Variants in CRYBA4 observed in about 807,000 individuals in gnomAD.
The protein encoded by CRYBA4 is crystallin beta A4.
A neutral mutation model predicts 31.7 loss-of-function variants in CRYBA4; 30 were observed. The observed-to-expected ratio is 0.95, with a 90% CI of 0.71 to 1.28. The LOEUF is 1.28. Ranked by LOEUF, CRYBA4 falls within the 50% of genes most tolerant of loss-of-function variation. The probability of loss-of-function intolerance (pLI) is 0.00; values close to 1 mark genes in which losing one functional copy is unlikely to be tolerated. For synonymous variants in CRYBA4, 102 were observed against 102.3 expected (o/e 1.00, Z 0.02); for missense variants, 225 against 260.7 (o/e 0.86, Z 0.94).
the CRYBA4 span, among the ~76,000 whole-genome samples, chr22:26,612,682 C>T: frequency 7.9e-5 from 12 of 152,306 alleles, no homozygotes; most frequent in African/African-American, 2.6e-4. Flanking sequence ...CTAAGATCTG[C>T]GCCATCATTA....
upstream of CRYBA4, among the ~76,000 whole-genome samples, chr22:26,621,323 C>T (rs1929522952): frequency 1.3e-5 from 2 of 152,216 alleles, no homozygotes; most frequent in Non-Finnish European, 2.9e-5. Context: ...CCCCTGAGCT[C>T]CAGGCCAATT....
the CRYBA4 span, among the ~76,000 whole-genome samples, chr22:26,603,416 G>C: frequency 7.4e-4 from 112 of 152,050 alleles, no homozygotes; most frequent in African/African-American, 2.6e-3. Context: ...TGTAATCCCA[G>C]CTACTCGGGA....
At chr22:26,607,955 A>G in the CRYBA4 span, 1 of 1,614,236 alleles carries the variant, frequency 6.2e-7, no homozygotes, top group Admixed American at 1.7e-5. Context: ...TGTTCCAGCG[A>G]GGGTACTCGC....
intron 5 of CRYBA4, among the ~76,000 whole-genome samples, chr22:26,629,088 CATCAGCAGGTAGGTAACA>C (rs1270119137): frequency 1.3e-5 from 2 of 152,194 alleles, no homozygotes; most frequent in Admixed American, 1.3e-4. Flanking sequence ...GCTCAAAGTC[CATCAGCAGGTAGGTAACA>C]ATCCAGCTTC....
At position 26,628,428 on chromosome 22, in the gene CRYBA4, G is replaced by T; in HGVS notation, c.441G>T (p.Gly147=). Reference sequence around the variant, plus strand: ...TAGGGTCCTTCCACGTCCACTCTGGGGCGTAAGTGTATTCAAGGCTCTACC... The same window carrying T: ...TAGGGTCCTTCCACGTCCACTCTGGTGCGTAAGTGTATTCAAGGCTCTACC... ...NEVGSFHVHS[G]AWVCSQFPGY... is the part of the protein sequence containing the mutation. The change falls in exon 5 of 6, where the codon GGG becomes GGT. Residue 147 remains glycine (G), a splice_region_variant and synonymous_variant. Coordinates refer to ENST00000354760, the MANE Select transcript of CRYBA4 (RefSeq NM_001886.3). 1.2e-6 allele frequency: 2 copies of T among 1,614,048 alleles called. No individual in the cohort carries two copies. The highest frequency in any genetic ancestry group is 8.5e-7 in the Non-Finnish European group (1 of 1,180,000).
At chr22:26,619,775 C>A (rs1929473413), upstream of CRYBA4, among the ~76,000 whole-genome samples, 1 of 152,182 alleles carries the variant, frequency 6.6e-6, no homozygotes, top group Admixed American at 6.5e-5. Flanking sequence ...GAGGGCCCAC[C>A]CACCAGTCTA....
At chr22:26,627,594 TTC>T (rs1929789138) in intron 4 of CRYBA4, among the ~76,000 whole-genome samples, 1 of 105,244 alleles carries the variant, frequency 9.5e-6, no homozygotes, top group Non-Finnish European at 2.0e-5. Flanking sequence ...CTTTTTCTCT[TTC>T]TTTCTTTCTC....
At chr22:26,604,154 G>A in the CRYBA4 span, among the ~76,000 whole-genome samples, 146,743 of 152,226 alleles carry the variant, frequency 0.96, 70,774 homozygotes, top group East Asian at 1. Context: ...AGTGATGCCG[G>A]ACCTCAGTGT....
At chr22:26,615,522 C>CT in the CRYBA4 span, among the ~76,000 whole-genome samples, 5,125 of 146,954 alleles carry the variant, frequency 0.035, 134 homozygotes, top group East Asian at 0.091. Context: ...CTATTCTTTT[C>CT]TTTTTTTTTT....
At chr22:26,610,646 T>C in the CRYBA4 span, among the ~76,000 whole-genome samples, 1 of 152,126 alleles carries the variant, frequency 6.6e-6, no homozygotes, top group Non-Finnish European at 1.5e-5. Context: ...CCAGGATAAG[T>C]TGGCTAAATT....
At position 26,625,601 on chromosome 22, in the gene CRYBA4, C is replaced by G; in HGVS notation, c.279C>G (p.Ser93=). The G allele has an allele frequency of 6.2e-7, 1 of 1,613,980 alleles. No individual in the cohort carries two copies. Among genetic ancestry groups the G allele is most frequent in the Non-Finnish European group, 8.5e-7 (1 of 1,179,998 alleles). The change falls in exon 4 of 6, where the codon TCC becomes TCG. Residue 93 remains serine (S), a synonymous_variant. Transcript: ENST00000354760. The part of the protein sequence containing the change: ...NTAYPAERLT[S]FRPAACANHR... ...CCTACCCCGCCGAGAGGCTCACCTC[C>G]TTCCGGCCTGCGGCCTGTGCTGTAA...
chr22:26,618,481 A>T (rs953140741), upstream of CRYBA4, among the ~76,000 whole-genome samples: 3 of 152,128 alleles, frequency 2.0e-5, no homozygotes, highest in African/African-American at 7.3e-5. Context: ...TATAGAAAAG[A>T]AGGTGACAAT....
the CRYBA4 span, among the ~76,000 whole-genome samples, chr22:26,610,209 T>C: frequency 1.3e-5 from 2 of 152,310 alleles, no homozygotes; most frequent in East Asian, 1.9e-4. Flanking sequence ...TTATAAGATA[T>C]GGAAACTGAG....
At chr22:26,622,790 T>C (rs1436605752) in intron 2 of CRYBA4, among the ~76,000 whole-genome samples, 155 bp downstream of exon 2, 1 of 151,890 alleles carries the variant, frequency 6.6e-6, no homozygotes, top group Non-Finnish European at 1.5e-5. Flanking sequence ...TACAGGGAGG[T>C]TGAATGTGAA....
chr22:26,601,136 G>A, the CRYBA4 span, among the ~76,000 whole-genome samples: 1 of 152,212 alleles, frequency 6.6e-6, no homozygotes, highest in Non-Finnish European at 1.5e-5. Context: ...AGCCATGATG[G>A]TGTTACAGGA....
Position 26,625,509 on chromosome 22 carries a change from C to A in CRYBA4, c.187C>A (p.Gln63Lys). ...AWVGFEHAGF[Q>K]GQQYILERGE... The stretch of plus-strand genomic sequence containing the variant: ...GGTGGGCTTTGAGCATGCTGGCTTC[C>A]AAGGGCAGCAGTACATTCTGGAACG... The change falls in exon 4 of 6, where the codon CAA (glutamine) becomes AAA (lysine). Residue 63 changes from glutamine to lysine, a missense_variant. Coordinates refer to ENST00000354760, the MANE Select transcript of CRYBA4 (RefSeq NM_001886.3). 1 of 1,614,024 alleles carries A rather than the reference C, an allele frequency of 6.2e-7. No homozygotes were observed.
Position 26,623,385 on chromosome 22 carries a change from G to T in CRYBA4, c.158+33G>T. 3 of 1,555,276 alleles carry T rather than the reference G, an allele frequency of 1.9e-6. No individual in the cohort carries two copies. The South Asian group carries it at 3.3e-5, about 17-fold the overall frequency. On this transcript the variant is annotated intron_variant, in intron 3 of 5. Transcript: ENST00000354760. ...TAGGGGGACACTGAGTTGGGGTAGAGGGTGGACAGGAAGGGACCTAGAGAC... is the reference window on the plus strand; with the variant it reads ...TAGGGGGACACTGAGTTGGGGTAGATGGTGGACAGGAAGGGACCTAGAGAC...
chr22:26,626,175 G>A (rs1042188862), intron 4 of CRYBA4, among the ~76,000 whole-genome samples: 3 of 152,178 alleles, frequency 2.0e-5, no homozygotes, highest in African/African-American at 7.2e-5. Context: ...GCCAAGGCGG[G>A]TAGATCACTT....
chr22:26,612,097 G>C, the CRYBA4 span: 4 of 1,613,306 alleles, frequency 2.5e-6, no homozygotes, highest in African/African-American at 2.7e-5. Context: ...ATGATGCTGC[G>C]CACACGGTCG....
Sources: allele counts gnomAD v4.1 joint callset (sites outside exome capture counted in the v4.1 genomes callset), GRCh38; gene constraint gnomAD v4.1.1; transcripts MANE v1.5; gene names NCBI Gene and HGNC (gene_info 2026-07-23, HGNC 2026-07-21).